Variants in SLC39A12 observed in about 807,000 individuals in gnomAD.
The protein encoded by SLC39A12 is zinc transporter ZIP12.
Under a neutral mutation model 71.1 loss-of-function variants are expected in SLC39A12, and 63 were observed. The observed-to-expected ratio is 0.89, with a 90% CI of 0.72 to 1.09. SLC39A12 has a LOEUF of 1.09. SLC39A12 is among the 50% of genes least tolerant of loss of function. The pLI, the probability that SLC39A12 is intolerant of heterozygous loss-of-function variation, is 0.00. For missense variants in SLC39A12, 892 were observed against 812.6 expected, an observed-to-expected ratio of 1.10 and a Z score of -1.19; for synonymous variants, 351 against 301.3, an observed-to-expected ratio of 1.16 and a Z score of -1.71.
At chr10:17,991,420 G>A in intron 8 of SLC39A12, 117 bp downstream of exon 8, 1 of 733,522 alleles carries the variant, frequency 1.4e-6, no homozygotes, top group Non-Finnish European at 2.1e-6. Flanking sequence ...ATGTCTAATG[G>A]AATGCTGATT....
At chr10:18,037,722 G>T (rs938357737) in intron 12 of SLC39A12, among the ~76,000 whole-genome samples, 2 of 152,078 alleles carry the variant, frequency 1.3e-5, no homozygotes, top group African/African-American at 4.8e-5. Context: ...GGAAAGAAGT[G>T]CTGCTAGAAG....
In SLC39A12 at chr10:18,017,556, C is replaced by T. The variant is rs369033816; in HGVS notation, c.1947+14198C>T. ...ACTCCTGACCTCATGATCCACCCAC[C>T]TTTTTGTGAAGAATGTAAGACTGTG... On this transcript the variant is annotated intron_variant, in intron 12 of 12. Transcript: ENST00000377369. 1.1e-4 allele frequency among the ~76,000 whole-genome samples: 17 copies of T among 152,280 alleles called. No individual in the cohort carries two copies. In the East Asian group the frequency reaches 1.9e-3, roughly 17 times the overall value.
At chr10:18,036,474 C>T (rs1589260891) in intron 12 of SLC39A12, among the ~76,000 whole-genome samples, 1 of 152,164 alleles carries the variant, frequency 6.6e-6, no homozygotes, top group East Asian at 2.0e-4. Flanking sequence ...CCTTGCGCTT[C>T]CCAGATGAGG....
intron 10 of SLC39A12, among the ~76,000 whole-genome samples, chr10:18,000,269 G>C (rs897025439): frequency 3.9e-5 from 6 of 152,164 alleles, no homozygotes; most frequent in African/African-American, 1.4e-4. Flanking sequence ...ATGAATTTTG[G>C]AGAGACACAA....
intron 4 of SLC39A12, among the ~76,000 whole-genome samples, chr10:17,977,315 G>T (rs1835134736): frequency 1.3e-5 from 2 of 150,188 alleles, no homozygotes; most frequent in African/African-American, 4.9e-5. Context: ...TGTATTTATT[G>T]ACTGCTTTTT....
At chr10:17,986,898 G>A (rs778047325) in intron 6 of SLC39A12, among the ~76,000 whole-genome samples, 3 of 152,254 alleles carry the variant, frequency 2.0e-5, no homozygotes, top group South Asian at 2.1e-4. Context: ...CCAGCTGCTC[G>A]AGGGTCTGAT....
intron 9 of SLC39A12, among the ~76,000 whole-genome samples, chr10:17,994,458 C>T (rs1835634497): frequency 6.6e-6 from 1 of 152,100 alleles, no homozygotes; most frequent in Non-Finnish European, 1.5e-5. Context: ...ATAAGAAGTC[C>T]TGAATGTTTG....
At chr10:18,013,361 A>G (rs1052042827) in intron 12 of SLC39A12, among the ~76,000 whole-genome samples, 1 of 147,612 alleles carries the variant, frequency 6.8e-6, no homozygotes, top group Admixed American at 6.8e-5. Flanking sequence ...TATTATTATT[A>G]TTATTATTAT....
intron 3 of SLC39A12, among the ~76,000 whole-genome samples, chr10:17,962,497 A>G (rs1325415049): frequency 6.6e-6 from 1 of 151,368 alleles, no homozygotes; most frequent in East Asian, 1.9e-4. Flanking sequence ...GGTTTGCAGC[A>G]GGAAATCTCA....
At chr10:17,975,545 G>A (rs1286594548) in intron 4 of SLC39A12, among the ~76,000 whole-genome samples, 1 of 152,136 alleles carries the variant, frequency 6.6e-6, no homozygotes, top group Non-Finnish European at 1.5e-5. Context: ...TATCCAAGAT[G>A]CAATGCAGAG....
At chr10:18,007,064 G>A (rs1480313185) in intron 12 of SLC39A12, 2 of 152,276 alleles carry the variant, frequency 1.3e-5, no homozygotes, top group Admixed American at 6.5e-5. Flanking sequence ...GTCCCTTCGT[G>A]GTGGTAGCCA....
chr10:17,994,042 C>T (rs1425561046), intron 9 of SLC39A12, among the ~76,000 whole-genome samples: 1 of 152,206 alleles, frequency 6.6e-6, no homozygotes, highest in South Asian at 2.1e-4. Flanking sequence ...TTTCAGATCT[C>T]GTGCTAACTC....
intron 8 of SLC39A12, 25 bp downstream of exon 8, chr10:17,991,328 T>A (rs748194406): frequency 6.5e-7 from 1 of 1,543,712 alleles, no homozygotes; most frequent in South Asian, 1.3e-5. Flanking sequence ...TTTATTTGTC[T>A]TGTGCTTTAA....
intron 4 of SLC39A12, among the ~76,000 whole-genome samples, chr10:17,969,922 AGATTT>A (rs1252967040): frequency 3.9e-5 from 6 of 152,172 alleles, no homozygotes; most frequent in Non-Finnish European, 7.4e-5. Context: ...CTGAAATCTT[AGATTT>A]AAGTCTTTAA....
chr10:18,024,156 A>G (rs1251519459), intron 12 of SLC39A12, among the ~76,000 whole-genome samples: 1 of 152,048 alleles, frequency 6.6e-6, no homozygotes, highest in Non-Finnish European at 1.5e-5. Context: ...GGCTTTGCCC[A>G]GCAAGGTGTT....
intron 12 of SLC39A12, among the ~76,000 whole-genome samples, chr10:18,022,049 A>G (rs917972098): frequency 6.6e-6 from 1 of 152,058 alleles, no homozygotes; most frequent in African/African-American, 2.4e-5. Flanking sequence ...TGCCTTTAAT[A>G]TGTTTTCTTT....
intron 12 of SLC39A12, among the ~76,000 whole-genome samples, chr10:18,036,001 C>G (rs867886497): frequency 6.6e-6 from 1 of 152,160 alleles, no homozygotes; most frequent in South Asian, 2.1e-4. Flanking sequence ...GGCAGTCTGC[C>G]GGTTCTCAGA....
At chr10:17,963,676 G>GT (rs1834750155) in intron 3 of SLC39A12, among the ~76,000 whole-genome samples, 1 of 152,110 alleles carries the variant, frequency 6.6e-6, no homozygotes, top group Non-Finnish European at 1.5e-5. Context: ...TTTGCAGGAG[G>GT]CTTTTGGCAC....
chr10:17,958,762 C>T (rs1460510967), intron 2 of SLC39A12, among the ~76,000 whole-genome samples: 5 of 152,058 alleles, frequency 3.3e-5, no homozygotes, highest in East Asian at 1.9e-4. Context: ...CCTTGCATAC[C>T]GTACACAAAT....
Sources: allele counts gnomAD v4.1 joint callset (sites outside exome capture counted in the v4.1 genomes callset), GRCh38; gene constraint gnomAD v4.1.1; transcripts MANE v1.5; gene names NCBI Gene and HGNC (gene_info 2026-07-23, HGNC 2026-07-21).